Variants in HYAL4 observed in about 807,000 individuals in gnomAD.
HYAL4 encodes hyaluronidase 4.
HYAL4 carries 37 observed loss-of-function variants against 35.2 expected under a neutral mutation model. The ratio of observed to expected loss-of-function variants is 1.05; its 90% CI spans 0.81 to 1.38. HYAL4 has a LOEUF of 1.38. HYAL4 is among the 40% of genes most tolerant of loss of function. The pLI is 0.00. For missense variants in HYAL4, 572 were observed against 572.4 expected (o/e 1.00, Z 0.01); for synonymous variants, 198 against 203.2 (o/e 0.97, Z 0.22).
chr7:123,768,778 T>C, the HYAL4 span, among the ~76,000 whole-genome samples: 7 of 152,176 alleles, frequency 4.6e-5, no homozygotes, highest in African/African-American at 9.6e-5. Flanking sequence ...AGGAATTACT[T>C]TGGAGCCAAG....
At chr7:123,816,565 A>G in the HYAL4 span, among the ~76,000 whole-genome samples, 2 of 152,214 alleles carry the variant, frequency 1.3e-5, no homozygotes, top group Non-Finnish European at 2.9e-5. Flanking sequence ...ACATTTTCAT[A>G]AAAGCCTTGT....
At chr7:123,849,605 G>C (rs978486351) in intron 2 of HYAL4, among the ~76,000 whole-genome samples, 7 of 152,050 alleles carry the variant, frequency 4.6e-5, no homozygotes, top group Non-Finnish European at 8.8e-5. Flanking sequence ...ACTGGCCCAG[G>C]CTTTCTTTTT....
chr7:123,846,186 A>C (rs1339323073), intron 1 of HYAL4, among the ~76,000 whole-genome samples: 4 of 152,202 alleles, frequency 2.6e-5, no homozygotes, highest in Non-Finnish European at 1.5e-5. Context: ...GGCATCAGGC[A>C]GTGGGCAGGG....
upstream of HYAL4, among the ~76,000 whole-genome samples, chr7:123,840,439 C>T (rs1462318603): frequency 6.6e-6 from 1 of 152,070 alleles, no homozygotes; most frequent in East Asian, 1.9e-4. Flanking sequence ...CAGCTTTGTT[C>T]TTTTTGCTTA....
chr7:123,781,767 A>T, the HYAL4 span, among the ~76,000 whole-genome samples: 5 of 152,194 alleles, frequency 3.3e-5, no homozygotes, highest in African/African-American at 1.2e-4. Flanking sequence ...TTTGAGTTAA[A>T]ATAGTATTAA....
At chr7:123,875,823 T>C (rs1281451052) in intron 4 of HYAL4, among the ~76,000 whole-genome samples, 1 of 152,166 alleles carries the variant, frequency 6.6e-6, no homozygotes, top group African/African-American at 2.4e-5. Context: ...TATAATGTAA[T>C]GCATTTTACC....
At chr7:123,870,065 G>A (rs1450779757) in intron 3 of HYAL4, among the ~76,000 whole-genome samples, 3 of 152,216 alleles carry the variant, frequency 2.0e-5, no homozygotes, top group African/African-American at 7.2e-5. Context: ...GGCTTCACAT[G>A]TGTGATGCAG....
chr7:123,847,119 G>GT (rs1203666403), intron 1 of HYAL4, among the ~76,000 whole-genome samples: 1 of 152,176 alleles, frequency 6.6e-6, no homozygotes, highest in Non-Finnish European at 1.5e-5. Context: ...ACATTGCTCT[G>GT]TCTGTCCACG....
At chr7:123,768,064 C>T in the HYAL4 span, among the ~76,000 whole-genome samples, 1 of 152,052 alleles carries the variant, frequency 6.6e-6, no homozygotes, top group Non-Finnish European at 1.5e-5. Flanking sequence ...TATCTGGCAA[C>T]CCTACCACAA....
At chr7:123,803,513 A>T in the HYAL4 span, among the ~76,000 whole-genome samples, 1 of 152,158 alleles carries the variant, frequency 6.6e-6, no homozygotes, top group South Asian at 2.1e-4. Flanking sequence ...CCTTATCTTT[A>T]GGTACACTAT....
In HYAL4 at chr7:123,868,607, C is replaced by T. The variant is rs754807142; in HGVS notation, c.334C>T (p.Leu112Phe). The change falls in exon 3 of 5, where the codon CTC (leucine) becomes TTC (phenylalanine). Residue 112 changes from leucine to phenylalanine, a missense_variant. Transcript: ENST00000223026. ...TSQGVPINGG[L>F]PQNISLQVHL... ...ACAAGGGGTCCCCATTAATGGAGGT[C>T]TCCCACAGAACATAAGTTTACAAGT... 1 of 1,614,124 alleles carries T rather than the reference C, an allele frequency of 6.2e-7. No homozygotes were observed. Among genetic ancestry groups the T allele is most frequent in the South Asian group, 1.1e-5 (1 of 91,078 alleles).
chr7:123,826,436 C>G (rs573028076), upstream of HYAL4, among the ~76,000 whole-genome samples: 1 of 152,216 alleles, frequency 6.6e-6, no homozygotes, highest in Admixed American at 6.6e-5. Context: ...AAGCCAATGC[C>G]AAAATGCCTT....
upstream of HYAL4, among the ~76,000 whole-genome samples, chr7:123,844,522 C>G (rs920624663): frequency 1.3e-5 from 2 of 152,328 alleles, no homozygotes; most frequent in Admixed American, 1.3e-4. Context: ...TGTCCTTTCT[C>G]AGAGCTCAAA....
At chr7:123,809,308 G>A in the HYAL4 span, among the ~76,000 whole-genome samples, 1 of 151,540 alleles carries the variant, frequency 6.6e-6, no homozygotes, top group Non-Finnish European at 1.5e-5. Flanking sequence ...TTTTCTTGCT[G>A]TAATAGAAAA....
chr7:123,809,266 G>C, the HYAL4 span, among the ~76,000 whole-genome samples: 3 of 152,070 alleles, frequency 2.0e-5, no homozygotes, highest in Non-Finnish European at 4.4e-5. Context: ...GAATCCCCTA[G>C]ATCAAATACA....
At chr7:123,810,749 G>A in the HYAL4 span, among the ~76,000 whole-genome samples, 4 of 152,052 alleles carry the variant, frequency 2.6e-5, no homozygotes, top group Non-Finnish European at 4.4e-5. Context: ...AATGTATAAC[G>A]GCATGTATCC....
chr7:123,851,227 A>G (rs1806298497), intron 2 of HYAL4, among the ~76,000 whole-genome samples: 2 of 152,164 alleles, frequency 1.3e-5, no homozygotes. Context: ...GTTAAATATT[A>G]CATTTGATGT....
chr7:123,853,920 A>G (rs1174993072), intron 2 of HYAL4, among the ~76,000 whole-genome samples: 10 of 152,090 alleles, frequency 6.6e-5, no homozygotes, highest in Admixed American at 5.2e-4. Flanking sequence ...TTATTAGTCT[A>G]TTCAGGGATT....
chr7:123,843,615 C>G (rs1014605562), upstream of HYAL4, among the ~76,000 whole-genome samples: 4 of 151,970 alleles, frequency 2.6e-5, no homozygotes, highest in African/African-American at 9.7e-5. Context: ...TCCATTCTCC[C>G]CATCACTTTC....
Sources: allele counts gnomAD v4.1 joint callset (sites outside exome capture counted in the v4.1 genomes callset), GRCh38; gene constraint gnomAD v4.1.1; transcripts MANE v1.5; gene names NCBI Gene and HGNC (gene_info 2026-07-23, HGNC 2026-07-21).